The following PRKD3 variants were observed in gnomAD, a reference collection of about 807,000 sequenced individuals.
The protein encoded by PRKD3 is protein kinase D3.
PRKD3 carries 47 observed loss-of-function variants against 99.2 expected under a neutral mutation model. The observed-to-expected ratio is 0.47, with a 90% confidence interval of 0.38 to 0.60. The LOEUF (loss-of-function observed/expected upper bound fraction) is 0.60. Among genes scored for constraint, PRKD3 ranks in the 20% least tolerant of loss-of-function variants. PRKD3 has a pLI of 0.00. For synonymous variants in PRKD3, 392 were observed against 355.4 expected (o/e 1.10, Z -1.16); for missense variants, 1,019 against 1,088.4 (o/e 0.94, Z 0.90).
intron 2 of PRKD3, among the ~76,000 whole-genome samples, chr2:37,303,281 G>GA (rs1037857629): frequency 7.9e-5 from 12 of 152,194 alleles, no homozygotes; most frequent in African/African-American, 2.6e-4. Flanking sequence ...GTGTCTGGGG[G>GA]ATCTCATTGT....
chr2:37,323,537 G>A (rs1294163747), intron 1 of PRKD3, among the ~76,000 whole-genome samples: 4 of 152,008 alleles, frequency 2.6e-5, no homozygotes, highest in Non-Finnish European at 5.9e-5. Context: ...ATCTAACAGG[G>A]AAGGAAGCAA....
At chr2:37,253,474 C>G (rs769829198) in intron 18 of PRKD3, 124 bp from the exon 19 acceptor site, 2 of 727,080 alleles carry the variant, frequency 2.8e-6, no homozygotes, top group Non-Finnish European at 4.4e-6. Context: ...AGGCGCTACT[C>G]ATAAGTATCT....
chr2:37,279,973 G>A, intron 7 of PRKD3, 44 bp from the exon 8 acceptor site: 2 of 1,346,390 alleles, frequency 1.5e-6, no homozygotes, highest in South Asian at 1.3e-5. Flanking sequence ...TATTAATAGA[G>A]GAAGTCCATT....
In PRKD3 at chr2:37,252,847, T is replaced by TTATTTATATATA. The variant is rs1553362998; in HGVS notation, c.*329_*330insTATATATAAATA. The TTATTTATATATA allele has an allele frequency of 6.9e-6, 1 of 145,014 alleles. No homozygotes were observed. Among genetic ancestry groups the TTATTTATATATA allele is most frequent in the Admixed American group, 7.0e-5 (1 of 14,324 alleles). 9.0% of individuals were successfully genotyped at this position (145,014 alleles called of 1,614,324 possible). ...AAAACAAACAAACATATATTTATAT[T>TTATTTATATATA]TATATATATATATATAAAGAGAAAT... On this transcript the variant is annotated 3_prime_UTR_variant, in exon 19 of 19. Transcript: ENST00000234179.
At chr2:37,294,106 C>G (rs879525931) in intron 2 of PRKD3, among the ~76,000 whole-genome samples, 2 of 151,962 alleles carry the variant, frequency 1.3e-5, no homozygotes, top group African/African-American at 4.8e-5. Flanking sequence ...TTCTCAAAAC[C>G]TTTTTTTGAG....
intron 1 of PRKD3, among the ~76,000 whole-genome samples, chr2:37,319,748 T>C (rs1299859602): frequency 7.6e-6 from 1 of 131,148 alleles, no homozygotes; most frequent in Non-Finnish European, 1.7e-5. Flanking sequence ...TTTAGAGCCA[T>C]ACTGATTTAA....
At chr2:37,313,337 GAAA>G (rs35889491) in intron 2 of PRKD3, among the ~76,000 whole-genome samples, 1 of 143,876 alleles carries the variant, frequency 7.0e-6, no homozygotes, top group Non-Finnish European at 1.5e-5. Flanking sequence ...CGGAATTGAT[GAAA>G]AAAAAAAAAA....
At chr2:37,267,197 T>C (rs1251310140) in intron 14 of PRKD3, among the ~76,000 whole-genome samples, 6 of 152,202 alleles carry the variant, frequency 3.9e-5, no homozygotes. Context: ...ATCCTAAGTA[T>C]TTTAAGCTCC....
chr2:37,316,217 G>C lies in PRKD3; in HGVS notation c.288+20C>G. On this transcript the variant is annotated intron_variant, in intron 2 of 18. Coordinates refer to ENST00000234179, the MANE Select transcript of PRKD3 (RefSeq NM_005813.6). ...ATCAGTAACAATATTATTTACTACT[G>C]ATAATAGCACACACAGTACCTTTTG... The C allele has an allele frequency of 6.3e-7, 1 of 1,579,108 alleles. No individual in the cohort carries two copies. The highest frequency in any genetic ancestry group is 8.7e-7 in the Non-Finnish European group (1 of 1,151,100).
At chr2:37,301,647 G>A (rs1006299552) in intron 2 of PRKD3, among the ~76,000 whole-genome samples, 1 of 152,074 alleles carries the variant, frequency 6.6e-6, no homozygotes, top group South Asian at 2.1e-4. Context: ...AAAAGGGGCG[G>A]GGGCAGAAAC....
intron 3 of PRKD3, among the ~76,000 whole-genome samples, chr2:37,291,702 A>G (rs1558561320): frequency 1.3e-5 from 2 of 152,192 alleles, no homozygotes; most frequent in Non-Finnish European, 2.9e-5. Flanking sequence ...GCAGGGAGTG[A>G]GATGAATGAG....
intron 2 of PRKD3, among the ~76,000 whole-genome samples, chr2:37,297,385 TAC>T (rs146677070): frequency 6.6e-6 from 1 of 152,314 alleles, no homozygotes; most frequent in East Asian, 1.9e-4. Flanking sequence ...CAATAAATAG[TAC>T]AGAGTTCCTG....
At position 37,252,840 on chromosome 2, in the gene PRKD3, T is replaced by C. The variant is rs537099976; in HGVS notation, c.*337A>G. The C allele has an allele frequency of 2.0e-5, 2 of 101,738 alleles. No individual in the cohort carries two copies. The highest frequency in any genetic ancestry group is 3.2e-4 in the South Asian group (1 of 3,080). 6.3% of individuals were successfully genotyped at this position (101,738 alleles called of 1,614,324 possible). A position where few individuals can be genotyped will look rare whatever the true frequency, so the allele number is the denominator to read the frequency against. On this transcript the variant is annotated 3_prime_UTR_variant, in exon 19 of 19. Coordinates refer to ENST00000234179, the MANE Select transcript of PRKD3 (RefSeq NM_005813.6). ...CATTAAAAAAACAAACAAACATATA[T>C]TTATATTTATATATATATATATAAA...
intron 4 of PRKD3, among the ~76,000 whole-genome samples, chr2:37,290,494 A>G (rs537826014): frequency 4.6e-5 from 7 of 152,224 alleles, no homozygotes; most frequent in African/African-American, 9.6e-5. Context: ...TCGGCATCCC[A>G]AAGTGCTAGG....
At chr2:37,260,197 T>TA in intron 15 of PRKD3, 26 bp downstream of exon 15, 1 of 1,562,744 alleles carries the variant, frequency 6.4e-7, no homozygotes, top group Non-Finnish European at 8.7e-7. Context: ...AATCGCTAGT[T>TA]TAAAAAAAAA....
intron 2 of PRKD3, among the ~76,000 whole-genome samples, chr2:37,303,338 C>G (rs1671019610): frequency 6.6e-6 from 1 of 152,090 alleles, no homozygotes. Flanking sequence ...TGCCAGTACC[C>G]CAAAAAAGGC....
intron 14 of PRKD3, among the ~76,000 whole-genome samples, chr2:37,265,488 T>TAC (rs149325155): frequency 0.018 from 2,769 of 150,138 alleles, 52 homozygotes; most frequent in African/African-American, 0.049. Context: ...ATCTTTATAC[T>TAC]ACACACACAC....
Position 37,316,520 on chromosome 2 carries a change from G to A in PRKD3, c.5C>T (p.Ser2Phe), listed in dbSNP as rs768251828. The A allele has an allele frequency of 6.2e-7, 1 of 1,612,350 alleles. No individual in the cohort carries two copies. The highest frequency in any genetic ancestry group is 1.1e-5 in the South Asian group (1 of 90,838). M[S>F]ANNSPPSAQK... ...GGCTGATGGAGGGGAATTATTTGCAGACATCTGCCTTTCTTTAATCTTTTA... is the reference window on the plus strand; with the variant it reads ...GGCTGATGGAGGGGAATTATTTGCAAACATCTGCCTTTCTTTAATCTTTTA... Residue 2 changes from serine to phenylalanine, a missense_variant, in exon 2 of 19, where the codon TCT becomes TTT. By Grantham distance (155) the Ser-to-Phe change is radical. Transcript: ENST00000234179.
intron 2 of PRKD3, among the ~76,000 whole-genome samples, chr2:37,307,323 A>G (rs1199652999): frequency 6.6e-6 from 1 of 152,242 alleles, no homozygotes; most frequent in Non-Finnish European, 1.5e-5. Flanking sequence ...AAATAACTTT[A>G]AAAATTTCAG....
Sources: allele counts gnomAD v4.1 joint callset (sites outside exome capture counted in the v4.1 genomes callset), GRCh38; gene constraint gnomAD v4.1.1; transcripts MANE v1.5; gene names NCBI Gene and HGNC (gene_info 2026-07-23, HGNC 2026-07-21).